HERC6: variants seen among roughly 807,000 people sequenced by gnomAD.
HERC6 encodes HECT and RLD domain containing E3 ubiquitin protein ligase family member 6.
A neutral mutation model predicts 114.5 loss-of-function variants in HERC6; 101 were observed. That is an observed-to-expected ratio of 0.88 (90% CI 0.75 to 1.04). The LOEUF (loss-of-function observed/expected upper bound fraction) is 1.04. Among genes scored for constraint, HERC6 ranks in the 50% least tolerant of loss-of-function variants. HERC6 has a pLI of 0.00. For missense variants in HERC6, 1,133 were observed against 1,230.9 expected, an observed-to-expected ratio of 0.92 and a Z score of 1.19; for synonymous variants, 408 against 436.2, an observed-to-expected ratio of 0.94 and a Z score of 0.81.
chr4:88,422,467 GC>G lies in HERC6; in HGVS notation c.1714-1392del, dbSNP rs796496271. On this transcript the variant is annotated intron_variant, in intron 13 of 22. Transcript: ENST00000264346. ...GGAAACTTCATTCTATTTCTAGTTT[GC>G]TGAGGGCTTTGTTCTTTTAGATCAT... Among the ~76,000 whole-genome samples, 8 of 152,242 alleles carry G rather than the reference GC, an allele frequency of 5.3e-5. No homozygotes were observed. The South Asian group carries it at 1.0e-3, about 20-fold the overall frequency.
Position 88,405,535 on chromosome 4 carries a change from C to G in HERC6, c.1215-19C>G. 3 of 1,462,954 alleles carry G rather than the reference C, an allele frequency of 2.1e-6. No homozygotes were observed. Among genetic ancestry groups the G allele is most frequent in the Non-Finnish European group, 2.8e-6 (3 of 1,073,076 alleles). The allele number at this position is 1,462,954 out of a possible 1,614,324, so 90.6% of individuals were successfully genotyped here. On this transcript the variant is annotated intron_variant, in intron 9 of 22. Coordinates refer to ENST00000264346, the MANE Select transcript of HERC6 (RefSeq NM_017912.4). ...CTTTATTATATGTTGTGACTTACCCCTTGTTATTACTTTTACAGTGAAATT... is the reference window on the plus strand; with the variant it reads ...CTTTATTATATGTTGTGACTTACCCGTTGTTATTACTTTTACAGTGAAATT...
intron 19 of HERC6, 83 bp downstream of exon 19, chr4:88,437,054 G>A: frequency 9.4e-7 from 1 of 1,068,428 alleles, no homozygotes; most frequent in Non-Finnish European, 1.3e-6. Context: ...CTTAAATTTG[G>A]GATCCCTTTT....
At chr4:88,432,938 A>G (rs1443332350) in intron 17 of HERC6, among the ~76,000 whole-genome samples, 1 of 151,124 alleles carries the variant, frequency 6.6e-6, no homozygotes, top group Non-Finnish European at 1.5e-5. Context: ...AATACAAAAA[A>G]TTAGCCGGGT....
At chr4:88,381,482 G>T (rs1210291937) in intron 1 of HERC6, among the ~76,000 whole-genome samples, 1 of 151,496 alleles carries the variant, frequency 6.6e-6, no homozygotes, top group Non-Finnish European at 1.5e-5. Flanking sequence ...GGAAGATAAG[G>T]GTTATTTTAA....
intron 10 of HERC6, among the ~76,000 whole-genome samples, chr4:88,407,506 C>T (rs1735870870): frequency 6.6e-6 from 1 of 151,646 alleles, no homozygotes; most frequent in South Asian, 2.1e-4. Flanking sequence ...CTTGAGCTAT[C>T]CTTCCACCTC....
rs1738679839 is a variant in HERC6 at position 88,435,854 on chromosome 4, T to C, written c.2380T>C (p.Leu794=). 1 of 1,610,532 alleles carries C rather than the reference T, an allele frequency of 6.2e-7. No individual in the cohort carries two copies. The highest frequency in any genetic ancestry group is 8.5e-7 in the Non-Finnish European group (1 of 1,178,534). ...AAAACTTCTGGACCAAAAGCCATCA[T>C]TGGAAGATTTAAAAGAACTCAGTCC... The part of the protein sequence containing the change: ...YKKLLDQKPS[L]EDLKELSPRL... The change falls in exon 18 of 23, where the codon TTG becomes CTG. Residue 794 remains leucine (L), a synonymous_variant. Coordinates refer to ENST00000264346, the MANE Select transcript of HERC6 (RefSeq NM_017912.4).
intron 17 of HERC6, among the ~76,000 whole-genome samples, chr4:88,434,564 A>G (rs1222410966): frequency 6.6e-6 from 1 of 152,144 alleles, no homozygotes; most frequent in African/African-American, 2.4e-5. Flanking sequence ...AAATGAACTA[A>G]AGAGACACAG....
chr4:88,421,637 G>T (rs1255901883), intron 13 of HERC6, among the ~76,000 whole-genome samples: 1 of 151,810 alleles, frequency 6.6e-6, no homozygotes, highest in Non-Finnish European at 1.5e-5. Flanking sequence ...GTAGAGACTG[G>T]GTTTTACCAT....
intron 18 of HERC6, among the ~76,000 whole-genome samples, chr4:88,436,146 AAC>A (rs1738710761): frequency 6.6e-6 from 1 of 152,178 alleles, no homozygotes; most frequent in South Asian, 2.1e-4. Context: ...TCCAGGTGGA[AAC>A]AGTTGCTTCA....
At chr4:88,439,289 G>C (rs147247163) in intron 20 of HERC6, among the ~76,000 whole-genome samples, 1 of 151,830 alleles carries the variant, frequency 6.6e-6, no homozygotes, top group Non-Finnish European at 1.5e-5. Context: ...CGGGAGGTTC[G>C]CTTGAGGCCA....
Position 88,405,632 on chromosome 4 carries a change from T to C in HERC6, c.1274+19T>C. ...AGAAAAGGTAATACTTACATAAGAT[T>C]TACCTTCATTTAAAACACTGGAAAA... On this transcript the variant is annotated intron_variant, in intron 10 of 22. Transcript: ENST00000264346. The C allele has an allele frequency of 7.8e-7, 1 of 1,287,526 alleles. No homozygotes were observed. The highest frequency in any genetic ancestry group is 2.5e-5 in the East Asian group (1 of 40,692). The allele number at this position is 1,287,526 out of a possible 1,614,324, so 79.8% of individuals were successfully genotyped here. A position where few individuals can be genotyped will look rare whatever the true frequency, so the allele number is the denominator to read the frequency against.
At chr4:88,387,369 G>C (rs1184453025) in intron 3 of HERC6, among the ~76,000 whole-genome samples, 1 of 152,140 alleles carries the variant, frequency 6.6e-6, no homozygotes, top group Non-Finnish European at 1.5e-5. Context: ...TGCATTCCAG[G>C]CTGGGCGACA....
chr4:88,437,206 G>A lies in HERC6; in HGVS notation c.2484+235G>A, dbSNP rs1360919326. Among the ~76,000 whole-genome samples, 6 of 151,990 alleles carry A rather than the reference G, an allele frequency of 3.9e-5. No individual in the cohort carries two copies. In the South Asian group the frequency reaches 1.0e-3, roughly 26 times the overall value. Reference sequence around the variant, plus strand: ...TGAGTAGCTGGGATTATGGGCATGCGACACCATGCCTGGCTAATTTTTGTA... The same window carrying A: ...TGAGTAGCTGGGATTATGGGCATGCAACACCATGCCTGGCTAATTTTTGTA... On this transcript the variant is annotated intron_variant, in intron 19 of 22. Transcript: ENST00000264346.
intron 11 of HERC6, among the ~76,000 whole-genome samples, chr4:88,411,593 TG>T (rs1170645030): frequency 6.6e-6 from 1 of 152,194 alleles, no homozygotes; most frequent in Non-Finnish European, 1.5e-5. Context: ...AGGCAAACAC[TG>T]TAATTACAGA....
chr4:88,385,546 G>A lies in HERC6; in HGVS notation c.407G>A (p.Gly136Glu), dbSNP rs1477372606. 3 of 1,506,172 alleles carry A rather than the reference G, an allele frequency of 2.0e-6. No individual in the cohort carries two copies. Among genetic ancestry groups the A allele is most frequent in the Non-Finnish European group, 2.7e-6 (3 of 1,120,652 alleles). 93.3% of individuals were successfully genotyped at this position (1,506,172 alleles called of 1,614,324 possible). A position where few individuals can be genotyped will look rare whatever the true frequency, so the allele number is the denominator to read the frequency against. Residue 136 changes from glycine to glutamate, a missense_variant, in exon 3 of 23, where the codon GGA becomes GAA. Transcript: ENST00000264346. Reference sequence around the variant, plus strand: ...ATAAAAATAATACAAGTTTCCTGTGGACACTACCACTCCCTGGCATTATCA... The same window carrying A: ...ATAAAAATAATACAAGTTTCCTGTGAACACTACCACTCCCTGGCATTATCA... ...NDIKIIQVSCGHYHSLALSKD... is the reference protein window; with the variant it reads ...NDIKIIQVSCEHYHSLALSKD...
chr4:88,418,721 T>TTTTG (rs566212554), intron 13 of HERC6, among the ~76,000 whole-genome samples: 16 of 152,244 alleles, frequency 1.1e-4, no homozygotes, highest in Middle Eastern at 3.4e-3. Flanking sequence ...TGTGTGATTT[T>TTTTG]TTTGTTTGTT....
chr4:88,395,982 T>C (rs1170478624), intron 5 of HERC6, 33 bp from the exon 6 acceptor site: 17 of 1,551,026 alleles, frequency 1.1e-5, no homozygotes, highest in Non-Finnish European at 1.5e-5. Context: ...TTGTTAAACC[T>C]GAAATTAATT....
intron 4 of HERC6, among the ~76,000 whole-genome samples, chr4:88,391,091 A>C (rs1734896365): frequency 6.6e-6 from 1 of 152,204 alleles, no homozygotes; most frequent in African/African-American, 2.4e-5. Context: ...ACTATCATGT[A>C]GTTCTGGAGG....
chr4:88,402,830 C>G (rs923706255), intron 8 of HERC6, among the ~76,000 whole-genome samples: 9 of 152,100 alleles, frequency 5.9e-5, no homozygotes, highest in Non-Finnish European at 1.3e-4. Flanking sequence ...CAAGAGGGAG[C>G]ACCTCATTGT....
Sources: gnomAD v4.1 joint callset for allele counts (sites outside exome capture counted in the v4.1 genomes callset) on GRCh38, gnomAD v4.1.1 for gene constraint, MANE v1.5 for transcripts, NCBI Gene and HGNC (gene_info 2026-07-23, HGNC 2026-07-21) for gene names.